Variants in CLEC16A observed in about 807,000 individuals in gnomAD.
CLEC16A encodes protein CLEC16A.
A neutral mutation model predicts 109.5 loss-of-function variants in CLEC16A; 51 were observed. The observed-to-expected ratio is 0.47, with a 90% CI of 0.37 to 0.59. The LOEUF (loss-of-function observed/expected upper bound fraction) is 0.59. Ranked by LOEUF, CLEC16A falls within the 20% of genes least tolerant of loss-of-function variation. The pLI is 0.00. For synonymous variants in CLEC16A, 673 were observed against 564.2 expected, an observed-to-expected ratio of 1.19 and a Z score of -2.73; for missense variants, 1,339 against 1,394.0, an observed-to-expected ratio of 0.96 and a Z score of 0.63.
intron 19 of CLEC16A, among the ~76,000 whole-genome samples, chr16:11,080,196 C>T (rs953782353): frequency 9.7e-4 from 148 of 152,236 alleles, no homozygotes; most frequent in Non-Finnish European, 6.6e-4. Flanking sequence ...ACTGTGCTAG[C>T]CACCAGAAAC....
At chr16:10,962,875 A>G (rs1449381371) in intron 3 of CLEC16A, among the ~76,000 whole-genome samples, 1 of 152,094 alleles carries the variant, frequency 6.6e-6, no homozygotes, top group Non-Finnish European at 1.5e-5. Context: ...CTGGACAACA[A>G]GGTGAAACCC....
intron 22 of CLEC16A, among the ~76,000 whole-genome samples, chr16:11,140,644 C>A (rs534782807): frequency 6.6e-6 from 1 of 152,186 alleles, no homozygotes. Context: ...GCTGACCCAA[C>A]ACGAAGCACC....
At chr16:11,068,971 C>T (rs998269312) in intron 19 of CLEC16A, among the ~76,000 whole-genome samples, 2 of 151,026 alleles carry the variant, frequency 1.3e-5, no homozygotes, top group Admixed American at 6.6e-5. Flanking sequence ...CATGCCATCA[C>T]GCCTGGCTAA....
intron 13 of CLEC16A, among the ~76,000 whole-genome samples, chr16:11,037,731 A>G (rs546071521): frequency 6.6e-6 from 1 of 152,192 alleles, no homozygotes; most frequent in South Asian, 2.1e-4. Context: ...CTGATGGGTT[A>G]TAAAGTTGGG....
intron 13 of CLEC16A, among the ~76,000 whole-genome samples, chr16:11,032,227 C>T (rs1179681188): frequency 1.3e-5 from 2 of 152,216 alleles, no homozygotes; most frequent in Non-Finnish European, 2.9e-5. Context: ...TGAGTGGCAG[C>T]ATGTCCGAGG....
At chr16:11,030,370 A>G (rs552960959) in intron 13 of CLEC16A, among the ~76,000 whole-genome samples, 12 of 152,262 alleles carry the variant, frequency 7.9e-5, no homozygotes, top group African/African-American at 2.9e-4. Flanking sequence ...ATGCCTATAT[A>G]ATTTTATATC....
At chr16:11,121,879 CAAAAAAAAAAAAAAA>C (rs536067685) in intron 20 of CLEC16A, among the ~76,000 whole-genome samples, 8 of 29,828 alleles carry the variant, frequency 2.7e-4, no homozygotes, top group South Asian at 1.5e-3. Context: ...GACCCTGTCT[CAAAAAAAAAAAAAAA>C]AAAAAAAAAA....
intron 22 of CLEC16A, among the ~76,000 whole-genome samples, chr16:11,162,995 G>T (rs1239371208): frequency 6.6e-6 from 1 of 152,208 alleles, no homozygotes; most frequent in Non-Finnish European, 1.5e-5. Context: ...TCACTGGAGA[G>T]GATCTCAGGG....
At chr16:11,165,848 G>A (rs149245306) in intron 22 of CLEC16A, among the ~76,000 whole-genome samples, 1 of 152,314 alleles carries the variant, frequency 6.6e-6, no homozygotes, top group African/African-American at 2.4e-5. Flanking sequence ...GGCTTTCGTT[G>A]TTCCTGAACC....
At chr16:11,029,182 G>A (rs929915384) in intron 13 of CLEC16A, among the ~76,000 whole-genome samples, 1 of 152,032 alleles carries the variant, frequency 6.6e-6, no homozygotes, top group African/African-American at 2.4e-5. Context: ...CTTCAGTTTA[G>A]GGCTAACTTC....
chr16:11,025,465 GGATTCATTCATTCACC>G (rs1374319418), intron 13 of CLEC16A, among the ~76,000 whole-genome samples: 1 of 152,082 alleles, frequency 6.6e-6, no homozygotes, highest in Non-Finnish European at 1.5e-5. Context: ...GGTTTTGTTG[GGATTCATTCATTCACC>G]GCCTTGCTGC....
intron 10 of CLEC16A, among the ~76,000 whole-genome samples, chr16:10,985,220 A>ATATATATATATAT (rs1555526162): frequency 2.9e-5 from 3 of 104,088 alleles, no homozygotes; most frequent in East Asian, 2.3e-4. Context: ...AAAAAAAAAA[A>ATATATATATATAT]ATATATATAT....
At chr16:11,127,179 T>C (rs941574404) in intron 22 of CLEC16A, among the ~76,000 whole-genome samples, 3 of 152,256 alleles carry the variant, frequency 2.0e-5, no homozygotes, top group Non-Finnish European at 4.4e-5. Context: ...TGCATATGTT[T>C]GTTTTTTACA....
At chr16:11,084,751 T>C (rs2049917445) in intron 19 of CLEC16A, among the ~76,000 whole-genome samples, 3 of 152,236 alleles carry the variant, frequency 2.0e-5, no homozygotes, top group African/African-American at 7.2e-5. Flanking sequence ...GAATATCTAG[T>C]AAATCATTCG....
rs576933117 is a variant in CLEC16A at position 11,070,857 on chromosome 16, A to G, written c.2116+9835A>G. On this transcript the variant is annotated intron_variant, in intron 19 of 23. Transcript: ENST00000409790. Reference sequence around the variant, plus strand: ...CCCTAGCACAAGTACACTGGAGGGCACCACGAGGCCCATGAAAGCTCACAC... The same window carrying G: ...CCCTAGCACAAGTACACTGGAGGGCGCCACGAGGCCCATGAAAGCTCACAC... The G allele has an allele frequency of 2.6e-5, 4 of 152,412 alleles. No homozygotes were observed. In the East Asian group the frequency reaches 7.7e-4, roughly 29 times the overall value. 9.4% of individuals were successfully genotyped at this position (152,412 alleles called of 1,614,324 possible).
chr16:11,101,876 A>C (rs2050937228), intron 19 of CLEC16A, among the ~76,000 whole-genome samples: 1 of 150,644 alleles, frequency 6.6e-6, no homozygotes, highest in South Asian at 2.1e-4. Context: ...AATTATGGTC[A>C]CTGTAGCTTT....
chr16:11,124,042 AGAAGAAGAC>A (rs1270813891), intron 21 of CLEC16A, 96 bp downstream of exon 21: 3 of 1,057,154 alleles, frequency 2.8e-6, no homozygotes, highest in Non-Finnish European at 4.1e-6. Context: ...CCCATAGCAT[AGAAGAAGAC>A]ACGTATGATT....
chr16:10,951,337 C>T (rs1023210915), intron 1 of CLEC16A, among the ~76,000 whole-genome samples: 1 of 152,132 alleles, frequency 6.6e-6, no homozygotes, highest in African/African-American at 2.4e-5. Flanking sequence ...TAAGGACTTT[C>T]CATAAGATCT....
rs2152818124 is a variant in CLEC16A, at chr16:11,027,060, C to T, written c.1537+2139C>T. 5 of 1,554,216 alleles carry T rather than the reference C, an allele frequency of 3.2e-6. No homozygotes were observed. In the East Asian group the frequency reaches 1.1e-4, roughly 35 times the overall value. ...AGAGCAAAGAAAAATCCCTTTGGTT[C>T]CAGAAAATCTCCTGAAAAAGAGGAA... On this transcript the variant is annotated intron_variant, in intron 13 of 23. Coordinates refer to ENST00000409790, the MANE Select transcript of CLEC16A (RefSeq NM_015226.3).
Sources: gnomAD v4.1 joint callset for allele counts (sites outside exome capture counted in the v4.1 genomes callset) on GRCh38, gnomAD v4.1.1 for gene constraint, MANE v1.5 for transcripts, NCBI Gene and HGNC (gene_info 2026-07-23, HGNC 2026-07-21) for gene names.